GABRB3: variants seen among roughly 807,000 people sequenced by gnomAD.
GABRB3 encodes gamma-aminobutyric acid type A receptor subunit beta3, also known as gamma-aminobutyric acid receptor subunit beta-3.
In GABRB3, 14 loss-of-function variants were observed where a neutral mutation model predicts 52.1. The observed-to-expected ratio is 0.27, with a 90% CI of 0.18 to 0.42. The LOEUF is 0.42. GABRB3 is among the 10% of genes least tolerant of loss of function. The probability of loss-of-function intolerance (pLI) is 1.00; values close to 1 mark genes in which losing one functional copy is unlikely to be tolerated. For synonymous variants in GABRB3, 260 were observed against 232.3 expected, an observed-to-expected ratio of 1.12 and a Z score of -1.08; for missense variants, 307 against 609.1, an observed-to-expected ratio of 0.50 and a Z score of 5.22.
intron 4 of GABRB3, among the ~76,000 whole-genome samples, chr15:26,600,156 C>A (rs957717259): frequency 6.6e-6 from 1 of 151,666 alleles, no homozygotes; most frequent in African/African-American, 2.4e-5. Context: ...AATCAGTAAG[C>A]TGGAAGACAA....
At position 26,665,513 on chromosome 15, in the gene GABRB3, G is replaced by A. The variant is rs190198482; in HGVS notation, c.241-43979C>T. On this transcript the variant is annotated intron_variant, in intron 3 of 8. Transcript: ENST00000311550. Reference sequence around the variant, plus strand: ...ATGACAGTAATAATAGCAAATTAACGTTTTCTTTTTGATATTTACCCTCTG... The same window carrying A: ...ATGACAGTAATAATAGCAAATTAACATTTTCTTTTTGATATTTACCCTCTG... Among the ~76,000 whole-genome samples, 8 of 152,254 alleles carry A rather than the reference G, an allele frequency of 5.3e-5. No individual in the cohort carries two copies. In the East Asian group the frequency reaches 7.7e-4, roughly 15 times the overall value.
At chr15:26,588,122 C>A (rs1389488210) in intron 4 of GABRB3, among the ~76,000 whole-genome samples, 2 of 152,088 alleles carry the variant, frequency 1.3e-5, no homozygotes, top group Non-Finnish European at 2.9e-5. Flanking sequence ...ACAGAAGACA[C>A]GCCTGTGTCC....
At chr15:26,696,434 G>C (rs983825787) in intron 3 of GABRB3, among the ~76,000 whole-genome samples, 1 of 152,070 alleles carries the variant, frequency 6.6e-6, no homozygotes. Context: ...CGATGACGTA[G>C]AGCAGAAAGG....
intron 8 of GABRB3, among the ~76,000 whole-genome samples, chr15:26,554,144 GTATA>G (rs547570760): frequency 3.1e-5 from 1 of 32,302 alleles, no homozygotes; most frequent in Non-Finnish European, 6.0e-5. Context: ...TATATATAAA[GTATA>G]TATATATATA....
At chr15:26,572,538 T>C (rs1322727327) in intron 6 of GABRB3, among the ~76,000 whole-genome samples, 2 of 152,218 alleles carry the variant, frequency 1.3e-5, no homozygotes, top group Admixed American at 6.5e-5. Flanking sequence ...TTGATGTGCA[T>C]CTTAAAGAGT....
chr15:26,740,653 G>T (rs532846687), intron 3 of GABRB3, among the ~76,000 whole-genome samples: 1 of 152,236 alleles, frequency 6.6e-6, no homozygotes, highest in African/African-American at 2.4e-5. Context: ...GCTGAGGCTT[G>T]GCTCTCCCTC....
chr15:26,554,193 A>T (rs1465714861), intron 8 of GABRB3, among the ~76,000 whole-genome samples: 3 of 69,424 alleles, frequency 4.3e-5, no homozygotes, highest in Admixed American at 2.0e-4. Context: ...TATATATACT[A>T]TATATATATA....
chr15:26,661,204 C>T (rs1210509914), intron 3 of GABRB3, among the ~76,000 whole-genome samples: 1 of 152,122 alleles, frequency 6.6e-6, no homozygotes, highest in Non-Finnish European at 1.5e-5. Context: ...TCCTAATCAC[C>T]AGCTGAATTC....
intron 3 of GABRB3, among the ~76,000 whole-genome samples, chr15:26,639,200 C>G (rs1206175455): frequency 1.3e-5 from 2 of 152,094 alleles, no homozygotes; most frequent in Non-Finnish European, 2.9e-5. Flanking sequence ...GCCATCAACC[C>G]AATGCCCGTT....
intron 3 of GABRB3, among the ~76,000 whole-genome samples, chr15:26,678,284 C>T (rs980381270): frequency 1.3e-5 from 2 of 152,208 alleles, no homozygotes; most frequent in Admixed American, 6.5e-5. Flanking sequence ...GACTTCTATG[C>T]TTAGGCTGCT....
chr15:26,689,835 A>T (rs1009353664), intron 3 of GABRB3, among the ~76,000 whole-genome samples: 7 of 152,058 alleles, frequency 4.6e-5, no homozygotes, highest in African/African-American at 1.7e-4. Context: ...AATTCTTAAG[A>T]AAGAAGCCTA....
At position 26,565,381 on chromosome 15, in the gene GABRB3, A is replaced by G. The variant is rs118094503; in HGVS notation, c.835+2200T>C. ...TTGTCTGGCCAGACCCACAGCCCTA[A>G]GATCACAGCTGCCCTCTTGACCTCG... On this transcript the variant is annotated intron_variant, in intron 7 of 8. Transcript: ENST00000311550. Among the ~76,000 whole-genome samples, 1,385 of 152,248 alleles carry G rather than the reference A, an allele frequency of 9.1e-3. 12 individuals are homozygous for G. Among genetic ancestry groups the G allele is most frequent in the Middle Eastern group, 0.027 (8 of 294 alleles).
At position 26,723,900 on chromosome 15, in the gene GABRB3, C is replaced by T. The variant is rs1325427351; in HGVS notation, c.240+48502G>A. On this transcript the variant is annotated intron_variant, in intron 3 of 8. Transcript: ENST00000311550. ...AATTGTACCAGTGTTCCCTGACTTC[C>T]TTTTCTGTGAGAAAAAAAAAATGTC... Among the ~76,000 whole-genome samples, 6 of 152,140 alleles carry T rather than the reference C, an allele frequency of 3.9e-5. No individual in the cohort carries two copies. In the East Asian group the frequency reaches 1.2e-3, roughly 29 times the overall value.
intron 3 of GABRB3, among the ~76,000 whole-genome samples, chr15:26,742,947 T>G (rs28421645): frequency 0.021 from 2,225 of 104,032 alleles, 33 homozygotes; most frequent in African/African-American, 0.041. Flanking sequence ...TTTTTTTTTT[T>G]GAGACAGAGT....
chr15:26,683,341 C>A (rs1888296205), intron 3 of GABRB3, among the ~76,000 whole-genome samples: 1 of 152,080 alleles, frequency 6.6e-6, no homozygotes, highest in African/African-American at 2.4e-5. Flanking sequence ...GACTAGGCAC[C>A]CACCTGGAGT....
intron 4 of GABRB3, among the ~76,000 whole-genome samples, chr15:26,609,059 C>T (rs913702414): frequency 6.7e-6 from 1 of 150,310 alleles, no homozygotes; most frequent in African/African-American, 2.5e-5. Flanking sequence ...TGTCCATCAA[C>T]AGATAAATTG....
chr15:26,549,685 C>T (rs116548795), intron 8 of GABRB3, among the ~76,000 whole-genome samples: 2,601 of 152,164 alleles, frequency 0.017, 77 homozygotes, highest in African/African-American at 0.06. Context: ...AGTGCTCAGA[C>T]TGAAGAGTTA....
intron 6 of GABRB3, among the ~76,000 whole-genome samples, chr15:26,568,684 G>GTGT (rs373552704): frequency 6.7e-5 from 9 of 133,698 alleles, no homozygotes; most frequent in Non-Finnish European, 9.6e-5. Flanking sequence ...TTTTTTTTTG[G>GTGT]TTTTGTATGT....
chr15:26,746,846 G>C (rs866449049), intron 3 of GABRB3, among the ~76,000 whole-genome samples: 29 of 152,188 alleles, frequency 1.9e-4, no homozygotes, highest in Admixed American at 7.2e-4. Context: ...AATTAGCCGG[G>C]CGTGGTGGCG....
Sources: gnomAD v4.1 joint callset for allele counts (sites outside exome capture counted in the v4.1 genomes callset) on GRCh38, gnomAD v4.1.1 for gene constraint, MANE v1.5 for transcripts, NCBI Gene and HGNC (gene_info 2026-07-23, HGNC 2026-07-21) for gene names.